The following CEP350 variants were observed in gnomAD, a reference collection of about 807,000 sequenced individuals.
CEP350 encodes the protein centrosomal protein 350.
A neutral mutation model predicts 331.8 loss-of-function variants in CEP350; 126 were observed. The observed-to-expected ratio is 0.38, with a 90% CI of 0.33 to 0.44. CEP350 has a LOEUF of 0.44. CEP350 is among the 20% of genes least tolerant of loss of function. The pLI, the probability that CEP350 is intolerant of heterozygous loss-of-function variation, is 1.00. For missense variants in CEP350, 3,406 were observed against 3,634.6 expected (o/e 0.94, Z 1.62); for synonymous variants, 1,200 against 1,259.5 (o/e 0.95, Z 1.00).
chr1:180,052,155 G>A (rs1657545267), intron 22 of CEP350: 1 of 451,016 alleles, frequency 2.2e-6, no homozygotes, highest in Non-Finnish European at 4.4e-6. Flanking sequence ...AAGTGCAGAA[G>A]CAGTGATACA....
chr1:180,040,980 G>T (rs775504619), intron 17 of CEP350, among the ~76,000 whole-genome samples, 158 bp from the exon 18 acceptor site: 4 of 152,104 alleles, frequency 2.6e-5, no homozygotes, highest in Non-Finnish European at 5.9e-5. Flanking sequence ...TTGATAAATG[G>T]TAAGTGGCTG....
At chr1:180,110,296 A>G (rs1309844623) in intron 37 of CEP350, among the ~76,000 whole-genome samples, 1 of 152,216 alleles carries the variant, frequency 6.6e-6, no homozygotes, top group Non-Finnish European at 1.5e-5. Context: ...TCACGATGGT[A>G]TGAAAGCAAC....
At position 180,054,622 on chromosome 1, in the gene CEP350, C is replaced by CTA. The variant is rs1035651955; in HGVS notation, c.5262+120_5262+121insTA. The CTA allele has an allele frequency of 1.4e-5, 10 of 710,794 alleles. No individual in the cohort carries two copies. The African/African-American group carries it at 1.8e-4, about 13-fold the overall frequency. 44.0% of individuals were successfully genotyped at this position (710,794 alleles called of 1,614,324 possible). ...CTTAAATGAGATTTAGTTGATACTT[C>CTA]CACTGTTTATGTTCATACTACTATA... On this transcript the variant is annotated intron_variant, in intron 25 of 37. Coordinates refer to ENST00000367607, the MANE Select transcript of CEP350 (RefSeq NM_014810.5).
rs558683389 is a variant in CEP350, at chr1:179,955,087, C to G, written c.-69C>G. 3 of 1,461,248 alleles carry G rather than the reference C, an allele frequency of 2.1e-6. No homozygotes were observed. Among genetic ancestry groups the G allele is most frequent in the Non-Finnish European group, 2.7e-6 (3 of 1,109,446 alleles). The allele number at this position is 1,461,248 out of a possible 1,614,324, so 90.5% of individuals were successfully genotyped here. On this transcript the variant is annotated 5_prime_UTR_variant, in exon 1 of 38. Coordinates refer to ENST00000367607, the MANE Select transcript of CEP350 (RefSeq NM_014810.5). ...GGTCGGGGCGGCGTCACTGCACCCT[C>G]CGCCAGGCTCCGCGGGATGCACCGT...
intron 8 of CEP350, among the ~76,000 whole-genome samples, chr1:180,008,015 A>G (rs79320977): frequency 0.03 from 4,593 of 151,970 alleles, 123 homozygotes; most frequent in South Asian, 0.072. Flanking sequence ...CTTCTCTCCA[A>G]TTTTTTTCTG....
intron 8 of CEP350, 27 bp downstream of exon 8, chr1:180,006,594 T>A: frequency 9.3e-7 from 1 of 1,079,380 alleles, no homozygotes; most frequent in Non-Finnish European, 1.4e-6. Flanking sequence ...TGTCCATCCT[T>A]TTTTTTTGTT....
At chr1:180,056,569 A>C (rs1657861168) in intron 25 of CEP350, among the ~76,000 whole-genome samples, 1 of 145,944 alleles carries the variant, frequency 6.9e-6, no homozygotes, top group African/African-American at 2.6e-5. Context: ...TCTAGGGCTC[A>C]AGCAATCCTC....
rs545289217 is a variant in CEP350, at chr1:180,026,770, G to A, written c.3550+2188G>A. ...CACTTAGCATAATATCTGACTCACC[G>A]TTCATCTATGTTGCAGCATGTATCA... On this transcript the variant is annotated intron_variant, in intron 14 of 37. Coordinates refer to ENST00000367607, the MANE Select transcript of CEP350 (RefSeq NM_014810.5). Among the ~76,000 whole-genome samples the A allele has an allele frequency of 3.3e-5, 5 of 152,144 alleles. No homozygotes were observed. In the South Asian group the frequency reaches 6.2e-4, roughly 19 times the overall value.
At chr1:180,025,013 C>T (rs1436882507) in intron 14 of CEP350, among the ~76,000 whole-genome samples, 1 of 151,860 alleles carries the variant, frequency 6.6e-6, no homozygotes. Flanking sequence ...CAAGCTCCGC[C>T]TCCCAGGTTC....
intron 21 of CEP350, among the ~76,000 whole-genome samples, chr1:180,048,074 C>T (rs900174140): frequency 6.6e-6 from 1 of 152,118 alleles, no homozygotes; most frequent in Non-Finnish European, 1.5e-5. Flanking sequence ...GAGATATGGT[C>T]AACATCTAAT....
intron 31 of CEP350, among the ~76,000 whole-genome samples, chr1:180,086,853 A>T (rs1659897141): frequency 6.6e-6 from 1 of 152,138 alleles, no homozygotes; most frequent in East Asian, 1.9e-4. Context: ...TCCATCCATT[A>T]GTTCATTTTA....
chr1:179,994,343 AGTC>A (rs1653317436), intron 5 of CEP350, among the ~76,000 whole-genome samples: 2 of 152,098 alleles, frequency 1.3e-5, no homozygotes, highest in Non-Finnish European at 2.9e-5. Flanking sequence ...GAATTGTTAC[AGTC>A]TTGTTAATAT....
At chr1:180,003,025 AT>A (rs776068252) in intron 6 of CEP350, 148 bp from the exon 7 acceptor site, 18 of 580,802 alleles carry the variant, frequency 3.1e-5, no homozygotes, top group Non-Finnish European at 4.6e-5. Context: ...TAGTTGTGCA[AT>A]TTTGTGAATA....
At chr1:180,085,925 A>G (rs1448158758) in intron 31 of CEP350, 1 of 152,184 alleles carries the variant, frequency 6.6e-6, no homozygotes, top group East Asian at 1.9e-4. Context: ...CCTCACAACA[A>G]GGTGTGAGTA....
At chr1:180,106,108 G>A (rs1661125851) in intron 37 of CEP350, among the ~76,000 whole-genome samples, 1 of 152,194 alleles carries the variant, frequency 6.6e-6, no homozygotes, top group Non-Finnish European at 1.5e-5. Flanking sequence ...GGAATGAGTA[G>A]CAAGTAATTA....
At chr1:180,080,747 G>A (rs1335074806) in intron 30 of CEP350, 86 bp downstream of exon 30, 18 of 1,123,646 alleles carry the variant, frequency 1.6e-5, no homozygotes, top group Non-Finnish European at 2.4e-5. Flanking sequence ...GTTGACCTTA[G>A]GAAGCATATG....
In CEP350 at chr1:180,108,517, G is replaced by T. The variant is rs181757966; in HGVS notation, c.9190-2480G>T. ...TCTGTCTCAAAAAAAAAGTGGGGCG[G>T]GGTGGGGGACTAAAAGAACTGTTAT... On this transcript the variant is annotated intron_variant, in intron 37 of 37. Transcript: ENST00000367607. Among the ~76,000 whole-genome samples, 6 of 152,204 alleles carry T rather than the reference G, an allele frequency of 3.9e-5. No homozygotes were observed. In the East Asian group the frequency reaches 5.8e-4, roughly 15 times the overall value.
chr1:179,960,666 A>G (rs1650539518), intron 1 of CEP350, among the ~76,000 whole-genome samples: 1 of 152,102 alleles, frequency 6.6e-6, no homozygotes, highest in Non-Finnish European at 1.5e-5. Flanking sequence ...TGCAAAAATC[A>G]ATTTGGAACA....
At chr1:180,025,240 GT>G (rs1655593302) in intron 14 of CEP350, among the ~76,000 whole-genome samples, 2 of 152,112 alleles carry the variant, frequency 1.3e-5, no homozygotes, top group African/African-American at 2.4e-5. Flanking sequence ...TTGCTTTGCA[GT>G]TGGTTTTTTA....
Sources: allele counts gnomAD v4.1 joint callset (sites outside exome capture counted in the v4.1 genomes callset), GRCh38; gene constraint gnomAD v4.1.1; transcripts MANE v1.5; gene names NCBI Gene and HGNC (gene_info 2026-07-23, HGNC 2026-07-21).